Variants in FLRT2 observed in about 807,000 individuals in gnomAD.
FLRT2 encodes the protein fibronectin leucine rich transmembrane protein 2, also known as leucine-rich repeat transmembrane protein FLRT2.
In FLRT2, 15 loss-of-function variants were observed where a neutral mutation model predicts 40.0. The observed-to-expected ratio is 0.38, with a 90% CI of 0.25 to 0.58. FLRT2 has a LOEUF of 0.58. Among genes scored for constraint, FLRT2 ranks in the 20% least tolerant of loss-of-function variants. FLRT2 has a pLI of 0.71. For missense variants in FLRT2, 726 were observed against 840.0 expected (o/e 0.86, Z 1.68); for synonymous variants, 380 against 336.8 (o/e 1.13, Z -1.41).
chr14:85,579,957 G>A (rs937905725), intron 1 of FLRT2, among the ~76,000 whole-genome samples: 28 of 133,220 alleles, frequency 2.1e-4, no homozygotes, highest in African/African-American at 7.6e-4. Flanking sequence ...TTAAATAAGT[G>A]GTTATCCAAA....
intron 1 of FLRT2, among the ~76,000 whole-genome samples, chr14:85,549,254 A>AAGC (rs1180120023): frequency 1.3e-3 from 204 of 152,254 alleles, no homozygotes; most frequent in African/African-American, 4.7e-3. Flanking sequence ...CCATCCATGG[A>AAGC]TGGCAAAACT....
At position 85,622,659 on chromosome 14, in the gene FLRT2, A is replaced by G; in HGVS notation, c.1145A>G (p.Gln382Arg). ...PAPSTASPTT[Q>R]PPTLSIPNPS... ...CCAAGTACAGCTTCTCCGACCACTC[A>G]GCCTCCCACCCTCTCTATTCCAAAC... is the stretch of plus-strand genomic sequence containing the variant. The change falls in exon 2 of 2, where the codon CAG becomes CGG. Residue 382 changes from glutamine (Q) to arginine (R), a missense_variant. Gln to Arg is a conservative substitution (Grantham distance 43). Around this residue, in one of 3 missense-constraint regions of FLRT2, gnomAD observed 611 missense variants for 690.0 expected, o/e 0.89. Coordinates refer to ENST00000330753, the MANE Select transcript of FLRT2 (RefSeq NM_013231.6). 1 of 1,613,766 alleles carries G rather than the reference A, an allele frequency of 6.2e-7. No individual in the cohort carries two copies. Among genetic ancestry groups the G allele is most frequent in the Non-Finnish European group, 8.5e-7 (1 of 1,179,962 alleles).
intron 1 of FLRT2, among the ~76,000 whole-genome samples, chr14:85,586,687 T>C (rs1013692875): frequency 1.4e-5 from 2 of 140,956 alleles, no homozygotes; most frequent in African/African-American, 5.7e-5. Flanking sequence ...GAAGTAAATA[T>C]ATATGTACAC....
intron 1 of FLRT2, among the ~76,000 whole-genome samples, chr14:85,596,094 A>G (rs1464011714): frequency 6.6e-6 from 1 of 152,174 alleles, no homozygotes; most frequent in Non-Finnish European, 1.5e-5. Context: ...CCGTCCAGGA[A>G]GAGCCTTTTA....
At chr14:85,537,241 C>T (rs1027460904) in intron 1 of FLRT2, among the ~76,000 whole-genome samples, 7 of 152,088 alleles carry the variant, frequency 4.6e-5, no homozygotes, top group Non-Finnish European at 8.8e-5. Flanking sequence ...ATTTCAAATG[C>T]TAATTGAAGA....
Position 85,650,929 on chromosome 14 carries a change from C to T in FLRT2, c.*27432C>T, listed in dbSNP as rs1894417172. 1 of 151,954 alleles carries T rather than the reference C, an allele frequency of 6.6e-6. No homozygotes were observed. Among genetic ancestry groups the T allele is most frequent in the African/African-American group, 2.4e-5 (1 of 41,386 alleles). 9.4% of individuals were successfully genotyped at this position (151,954 alleles called of 1,614,324 possible). On this transcript the variant is annotated 3_prime_UTR_variant, in exon 2 of 2. Coordinates refer to ENST00000330753, the MANE Select transcript of FLRT2 (RefSeq NM_013231.6). ...TAGCACGATCTTAGCTTACTGTAGA[C>T]TCCAACTCCTGGGCTCAAGAGATAC...
At chr14:85,583,520 A>T (rs2139878963) in intron 1 of FLRT2, among the ~76,000 whole-genome samples, 1 of 152,286 alleles carries the variant, frequency 6.6e-6, no homozygotes, top group Non-Finnish European at 1.5e-5. Flanking sequence ...CTATTTTGGC[A>T]ACAGTTACTT....
intron 1 of FLRT2, among the ~76,000 whole-genome samples, chr14:85,547,427 G>A (rs968713849): frequency 1.3e-5 from 2 of 150,926 alleles, no homozygotes; most frequent in Admixed American, 1.3e-4. Flanking sequence ...AGTTTCAAGC[G>A]ATTCCCCTGC....
rs1595078517 is a variant in FLRT2 at position 85,606,406 on chromosome 14, C to A, written c.-376-14733C>A. ...ACACTTGACGTCCCAGTTTCTGCATCCCTAAAATGGCAATGTAATATTTAC... is the reference window on the plus strand; with the variant it reads ...ACACTTGACGTCCCAGTTTCTGCATACCTAAAATGGCAATGTAATATTTAC... On this transcript the variant is annotated intron_variant, in intron 1 of 1. Transcript: ENST00000330753. Among the ~76,000 whole-genome samples, 3 of 152,242 alleles carry A rather than the reference C, an allele frequency of 2.0e-5. No individual in the cohort carries two copies. In the East Asian group the frequency reaches 5.8e-4, roughly 29 times the overall value.
At chr14:85,607,423 A>T (rs772739714) in intron 1 of FLRT2, among the ~76,000 whole-genome samples, 6 of 152,232 alleles carry the variant, frequency 3.9e-5, no homozygotes, top group Non-Finnish European at 7.3e-5. Context: ...AGCAGTTTTC[A>T]TTTTTGTTAA....
intron 1 of FLRT2, among the ~76,000 whole-genome samples, chr14:85,618,294 G>A (rs894724447): frequency 6.6e-6 from 1 of 152,040 alleles, no homozygotes; most frequent in African/African-American, 2.4e-5. Context: ...AGAGACCCTG[G>A]TGCTGCTGTT....
chr14:85,653,152 T>A lies in FLRT2; in HGVS notation c.*29655T>A, dbSNP rs1351115983. ...GAACACCTTTTCTTTTTAAACATTTTCAATTTGTGATCTGCTTGAGGACTT... is the reference window on the plus strand; with the variant it reads ...GAACACCTTTTCTTTTTAAACATTTACAATTTGTGATCTGCTTGAGGACTT... On this transcript the variant is annotated 3_prime_UTR_variant, in exon 2 of 2. Transcript: ENST00000330753. 1 of 152,184 alleles carries A rather than the reference T, an allele frequency of 6.6e-6. No individual in the cohort carries two copies. Among genetic ancestry groups the A allele is most frequent in the Non-Finnish European group, 1.5e-5 (1 of 68,028 alleles). The allele number at this position is 152,184 out of a possible 1,614,324, so 9.4% of individuals were successfully genotyped here.
At position 85,624,516 on chromosome 14, in the gene FLRT2, A is replaced by G. The variant is rs1347325613; in HGVS notation, c.*1019A>G. 6.0e-6 allele frequency: 1 copy of G among 167,054 alleles called. No homozygotes were observed. Among genetic ancestry groups the G allele is most frequent in the Non-Finnish European group, 1.5e-5 (1 of 68,132 alleles). 10.3% of individuals were successfully genotyped at this position (167,054 alleles called of 1,614,324 possible). A position where few individuals can be genotyped will look rare whatever the true frequency, so the allele number is the denominator to read the frequency against. On this transcript the variant is annotated 3_prime_UTR_variant, in exon 2 of 2. Coordinates refer to ENST00000330753, the MANE Select transcript of FLRT2 (RefSeq NM_013231.6). ...TACAACAATGACTTATTTAAAAATT[A>G]CCCTTCCTGCTATTTAGACAAAAAC...
intron 1 of FLRT2, among the ~76,000 whole-genome samples, chr14:85,592,020 A>G (rs1217476944): frequency 6.6e-6 from 1 of 152,246 alleles, no homozygotes; most frequent in African/African-American, 2.4e-5. Context: ...TGAAGTTGAA[A>G]TTAACAAAGT....
rs1894032293 is a variant in FLRT2, at chr14:85,637,249, T to C, written c.*13752T>C. 6.6e-6 allele frequency: 1 copy of C among 152,130 alleles called. No homozygotes were observed. Among genetic ancestry groups the C allele is most frequent in the Non-Finnish European group, 1.5e-5 (1 of 68,024 alleles). The allele number at this position is 152,130 out of a possible 1,614,324, so 9.4% of individuals were successfully genotyped here. On this transcript the variant is annotated 3_prime_UTR_variant, in exon 2 of 2. Coordinates refer to ENST00000330753, the MANE Select transcript of FLRT2 (RefSeq NM_013231.6). ...TAGTTGAAAATATTATCCCTCTAAG[T>C]ATTAGAAAGTTAAACTGCAGTAATT...
chr14:85,577,587 A>T lies in FLRT2; in HGVS notation c.-376-43552A>T, dbSNP rs527447178. 1.7e-4 allele frequency among the ~76,000 whole-genome samples: 26 copies of T among 148,960 alleles called. 1 individual carries two copies. The highest frequency in any genetic ancestry group is 4.3e-4 in the South Asian group (2 of 4,690). ...ACCTTCCATGTGTGTTTTCCTGATT[A>T]TTTTTTTTTTTTCTTTTGAGACAGG... is the stretch of plus-strand genomic sequence containing the variant. On this transcript the variant is annotated intron_variant, in intron 1 of 1. Coordinates refer to ENST00000330753, the MANE Select transcript of FLRT2 (RefSeq NM_013231.6).
intron 1 of FLRT2, among the ~76,000 whole-genome samples, chr14:85,547,344 A>G (rs1215602520): frequency 3.0e-5 from 4 of 133,956 alleles, no homozygotes; most frequent in African/African-American, 8.5e-5. Context: ...TTTTTTTGAG[A>G]TGGAGTTTCG....
rs1894301224 is a variant in FLRT2, at chr14:85,646,255, A to G, written c.*22758A>G. On this transcript the variant is annotated 3_prime_UTR_variant, in exon 2 of 2. Coordinates refer to ENST00000330753, the MANE Select transcript of FLRT2 (RefSeq NM_013231.6). ...TAGAGTGTCACTTGGATGAAGCTGT[A>G]ATTGGAAGTTGAGGACACTGTCATT... The G allele has an allele frequency of 6.6e-6, 1 of 152,204 alleles. No individual in the cohort carries two copies. Among genetic ancestry groups the G allele is most frequent in the Non-Finnish European group, 1.5e-5 (1 of 68,026 alleles). The allele number at this position is 152,204 out of a possible 1,614,324, so 9.4% of individuals were successfully genotyped here. A position where few individuals can be genotyped will look rare whatever the true frequency, so the allele number is the denominator to read the frequency against.
chr14:85,565,285 A>G (rs772759959), intron 1 of FLRT2, among the ~76,000 whole-genome samples: 5 of 152,228 alleles, frequency 3.3e-5, no homozygotes, highest in Non-Finnish European at 5.9e-5. Flanking sequence ...CTGAGTATGT[A>G]TGCAGTCATC....
Sources: gnomAD v4.1 joint callset for allele counts (sites outside exome capture counted in the v4.1 genomes callset) on GRCh38, gnomAD v4.1.1 for gene constraint, gnomAD v4.1.1 regional missense constraint, MANE v1.5 for transcripts, NCBI Gene and HGNC (gene_info 2026-07-23, HGNC 2026-07-21) for gene names.